Variants in ZNF804A observed in about 807,000 individuals in gnomAD.
ZNF804A encodes the protein zinc finger protein 804A.
ZNF804A carries 2 observed loss-of-function variants against 16.5 expected under a neutral mutation model. That is an observed-to-expected ratio of 0.12 (90% confidence interval 0.05 to 0.38). The LOEUF (loss-of-function observed/expected upper bound fraction) is 0.38, where lower values mean the gene tolerates loss of function less well. Among genes scored for constraint, ZNF804A ranks in the 10% least tolerant of loss-of-function variants. ZNF804A has a pLI of 0.99. For synonymous variants in ZNF804A, 534 were observed against 489.6 expected, an observed-to-expected ratio of 1.09 and a Z score of -1.20; for missense variants, 1,473 against 1,390.7, an observed-to-expected ratio of 1.06 and a Z score of -0.94.
Position 184,937,336 on chromosome 2 carries a change from A to G in ZNF804A, c.1940A>G (p.Glu647Gly). 1 of 1,613,902 alleles carries G rather than the reference A, an allele frequency of 6.2e-7. No individual in the cohort carries two copies. The highest frequency in any genetic ancestry group is 8.5e-7 in the Non-Finnish European group (1 of 1,179,902). Residue 647 changes from glutamate to glycine, a missense_variant, in exon 4 of 4, where the codon GAG (glutamate) becomes GGG (glycine). Coordinates refer to ENST00000302277, the MANE Select transcript of ZNF804A (RefSeq NM_194250.2). ...TCAGAAAAGCAGTATTTAGCTGCAG[A>G]GCAATTATTAGACTCACATCAGTTA... is the stretch of plus-strand genomic sequence containing the variant. Reference protein sequence around the residue: ...PISEKQYLAAEQLLDSHQLLD... With the variant: ...PISEKQYLAAGQLLDSHQLLD...
chr2:184,785,183 C>T (rs981092574), intron 1 of ZNF804A, among the ~76,000 whole-genome samples: 3 of 151,932 alleles, frequency 2.0e-5, no homozygotes, highest in Non-Finnish European at 4.4e-5. Context: ...CCCTCCTTAT[C>T]CCCCTGCTCA....
intron 2 of ZNF804A, among the ~76,000 whole-genome samples, chr2:184,927,226 T>C (rs1029505133): frequency 6.6e-6 from 1 of 152,236 alleles, no homozygotes; most frequent in Non-Finnish European, 1.5e-5. Flanking sequence ...AGCCCAGTAG[T>C]TCTGTGGCTC....
chr2:184,654,441 G>T (rs1559118497), intron 1 of ZNF804A, among the ~76,000 whole-genome samples: 1 of 152,154 alleles, frequency 6.6e-6, no homozygotes, highest in Non-Finnish European at 1.5e-5. Flanking sequence ...GCTGATTGCT[G>T]CAGAGGTTAT....
chr2:184,721,514 A>G (rs776116917), intron 1 of ZNF804A, among the ~76,000 whole-genome samples: 18 of 152,182 alleles, frequency 1.2e-4, no homozygotes, highest in Non-Finnish European at 2.1e-4. Context: ...ATGGAAATGC[A>G]AATTAAAACC....
intron 1 of ZNF804A, among the ~76,000 whole-genome samples, chr2:184,734,141 T>TG (rs1162129590): frequency 3.9e-5 from 6 of 152,136 alleles, no homozygotes; most frequent in African/African-American, 1.2e-4. Context: ...GTGGTCTGGT[T>TG]GGTCATAGCT....
intron 1 of ZNF804A, among the ~76,000 whole-genome samples, chr2:184,836,905 G>T (rs1016869171): frequency 4.0e-5 from 6 of 151,006 alleles, no homozygotes; most frequent in Non-Finnish European, 8.8e-5. Flanking sequence ...AATACTTTAA[G>T]CACTGATAAT....
At chr2:184,904,045 A>G (rs567458033) in intron 2 of ZNF804A, among the ~76,000 whole-genome samples, 58 of 152,182 alleles carry the variant, frequency 3.8e-4, no homozygotes, top group African/African-American at 1.4e-3. Context: ...AAATCAACAT[A>G]TAAAAATTAG....
intron 1 of ZNF804A, among the ~76,000 whole-genome samples, chr2:184,601,774 C>A (rs1456822526): frequency 6.6e-6 from 1 of 151,676 alleles, no homozygotes; most frequent in Non-Finnish European, 1.5e-5. Context: ...GGAAGTGCAA[C>A]TTTAAACATA....
At chr2:184,847,126 T>G (rs1377051459) in intron 1 of ZNF804A, among the ~76,000 whole-genome samples, 1 of 152,156 alleles carries the variant, frequency 6.6e-6, no homozygotes, top group African/African-American at 2.4e-5. Flanking sequence ...AATGTGAACA[T>G]TAACGTATCT....
chr2:184,867,634 G>A (rs777072157), intron 2 of ZNF804A, among the ~76,000 whole-genome samples: 1 of 152,006 alleles, frequency 6.6e-6, no homozygotes, highest in Non-Finnish European at 1.5e-5. Context: ...TAGTAGATCT[G>A]TTGGCCCACT....
intron 1 of ZNF804A, among the ~76,000 whole-genome samples, chr2:184,822,695 A>C (rs895170338): frequency 6.6e-6 from 1 of 152,086 alleles, no homozygotes; most frequent in Non-Finnish European, 1.5e-5. Flanking sequence ...TGGGTGAGGA[A>C]TGGTGAATTC....
chr2:184,625,326 A>AT (rs1272969030), intron 1 of ZNF804A, among the ~76,000 whole-genome samples: 2 of 152,054 alleles, frequency 1.3e-5, no homozygotes, highest in African/African-American at 4.8e-5. Flanking sequence ...TTGCTTTCTT[A>AT]TTTTTTCTCA....
chr2:184,903,660 CTTTAG>C (rs199929478), intron 2 of ZNF804A, among the ~76,000 whole-genome samples: 1,750 of 152,122 alleles, frequency 0.012, 13 homozygotes, highest in Non-Finnish European at 0.018. Flanking sequence ...GTTTATAATA[CTTTAG>C]TTTATTTCAT....
At chr2:184,828,008 A>G (rs1695195690) in intron 1 of ZNF804A, among the ~76,000 whole-genome samples, 2 of 145,906 alleles carry the variant, frequency 1.4e-5, no homozygotes, top group Admixed American at 6.7e-5. Context: ...GTTTACCAAG[A>G]ATAATATAAA....
chr2:184,643,439 A>G (rs1241042120), intron 1 of ZNF804A, among the ~76,000 whole-genome samples: 1 of 151,956 alleles, frequency 6.6e-6, no homozygotes, highest in Non-Finnish European at 1.5e-5. Context: ...GCTTTGAAAA[A>G]TTAAAAAGAG....
chr2:184,603,433 TTTGGCAGGCTTTTGAAACACTA>T (rs1691081913), intron 1 of ZNF804A, among the ~76,000 whole-genome samples: 1 of 152,230 alleles, frequency 6.6e-6, no homozygotes. Flanking sequence ...CACACTAAAA[TTTGGCAGGCTTTTGAAACACTA>T]TTTGGCCTTT....
At chr2:184,698,140 G>C (rs908184018) in intron 1 of ZNF804A, among the ~76,000 whole-genome samples, 13 of 151,954 alleles carry the variant, frequency 8.6e-5, no homozygotes, top group African/African-American at 3.1e-4. Context: ...TCAAAATGGG[G>C]ACTGGCACCT....
intron 1 of ZNF804A, among the ~76,000 whole-genome samples, chr2:184,712,337 C>A (rs931582936): frequency 1.3e-5 from 2 of 151,594 alleles, no homozygotes; most frequent in Admixed American, 6.6e-5. Context: ...TTATTTCATC[C>A]TTTTGAATAG....
chr2:184,694,048 G>A (rs1321837876), intron 1 of ZNF804A, among the ~76,000 whole-genome samples: 2 of 150,700 alleles, frequency 1.3e-5, no homozygotes, highest in African/African-American at 4.9e-5. Flanking sequence ...TCCTGCCTCA[G>A]CCTCTGAGTA....
Sources: allele counts gnomAD v4.1 joint callset (sites outside exome capture counted in the v4.1 genomes callset), GRCh38; gene constraint gnomAD v4.1.1; transcripts MANE v1.5; gene names NCBI Gene and HGNC (gene_info 2026-07-23, HGNC 2026-07-21).